WWOX: variants seen among roughly 807,000 people sequenced by gnomAD.
WWOX encodes WW domain-containing oxidoreductase.
In WWOX, 69 loss-of-function variants were observed where a neutral mutation model predicts 46.2. That is an observed-to-expected ratio of 1.49 (90% CI 1.23 to 1.82). WWOX has a LOEUF of 1.82. Ranked by LOEUF, WWOX falls within the 40% of genes most tolerant of loss-of-function variation. The pLI, the probability that WWOX is intolerant of heterozygous loss-of-function variation, is 0.00. For synonymous variants in WWOX, 359 were observed against 202.6 expected (o/e 1.77, Z -6.56); for missense variants, 919 against 542.6 (o/e 1.69, Z -6.89).
intron 8 of WWOX, among the ~76,000 whole-genome samples, chr16:78,662,805 C>G (rs551798766): frequency 6.6e-6 from 1 of 152,034 alleles, no homozygotes; most frequent in Non-Finnish European, 1.5e-5. Flanking sequence ...GGTTCCTGGG[C>G]TCTGGGACTC....
rs868387820 is a variant in WWOX at position 78,782,833 on chromosome 16, C to T, written c.1056+350081C>T. Among the ~76,000 whole-genome samples, 38 of 152,214 alleles carry T rather than the reference C, an allele frequency of 2.5e-4. 1 individual carries two copies. Among genetic ancestry groups the T allele is most frequent in the Middle Eastern group, 6.8e-3 (2 of 294 alleles). ...AGATGTACTGTTATTTTATGTTTCA[C>T]TAAGAGTGCGAAGAACATTGTTAAT... On this transcript the variant is annotated intron_variant, in intron 8 of 8. Transcript: ENST00000566780.
chr16:78,357,273 T>C (rs569512614), intron 5 of WWOX, among the ~76,000 whole-genome samples: 1 of 152,282 alleles, frequency 6.6e-6, no homozygotes, highest in African/African-American at 2.4e-5. Flanking sequence ...ACAAAGAACA[T>C]GCTAGGTTCT....
At chr16:78,733,117 C>T (rs1053393931) in intron 8 of WWOX, among the ~76,000 whole-genome samples, 1 of 152,094 alleles carries the variant, frequency 6.6e-6, no homozygotes, top group African/African-American at 2.4e-5. Context: ...GCTGTTACAT[C>T]ATTTGTTTTT....
intron 8 of WWOX, among the ~76,000 whole-genome samples, chr16:78,914,435 C>G (rs936457961): frequency 9.2e-5 from 14 of 152,038 alleles, no homozygotes; most frequent in African/African-American, 3.4e-4. Context: ...AGCTTGAACG[C>G]TGTACTTTGA....
rs373702590 is a variant in WWOX at position 78,288,490 on chromosome 16, G to C, written c.517-98370G>C. Among the ~76,000 whole-genome samples the C allele has an allele frequency of 9.9e-4, 150 of 152,218 alleles. 2 individuals are homozygous for C. In the South Asian group the frequency reaches 0.021, roughly 22 times the overall value. ...AATGGAATGTATTTGGAAAGAGCAA[G>C]CTTCTTCCCAATGCAGTGTTTTCCC... On this transcript the variant is annotated intron_variant, in intron 5 of 8. Coordinates refer to ENST00000566780, the MANE Select transcript of WWOX (RefSeq NM_016373.4).
intron 8 of WWOX, among the ~76,000 whole-genome samples, chr16:79,039,790 C>T (rs2047937001): frequency 6.6e-6 from 1 of 152,174 alleles, no homozygotes; most frequent in South Asian, 2.1e-4. Context: ...AATCTCCCTT[C>T]TCTGAACCTT....
intron 6 of WWOX, among the ~76,000 whole-genome samples, chr16:78,405,924 C>G (rs904184710): frequency 6.6e-6 from 1 of 152,108 alleles, no homozygotes; most frequent in Non-Finnish European, 1.5e-5. Flanking sequence ...CTGTCACATA[C>G]CTCTCTGACA....
intron 8 of WWOX, among the ~76,000 whole-genome samples, chr16:78,789,908 A>G (rs2050551294): frequency 6.6e-6 from 1 of 152,144 alleles, no homozygotes; most frequent in African/African-American, 2.4e-5. Flanking sequence ...TGTAAACTTA[A>G]ACTCCAATTC....
At chr16:79,189,530 G>T (rs894941339) in intron 8 of WWOX, among the ~76,000 whole-genome samples, 12 of 150,314 alleles carry the variant, frequency 8.0e-5, no homozygotes, top group African/African-American at 2.9e-4. Context: ...CAAACTCCTA[G>T]CTTCAAGCGA....
chr16:78,112,205 C>G (rs894790708), intron 3 of WWOX, among the ~76,000 whole-genome samples: 6 of 152,204 alleles, frequency 3.9e-5, no homozygotes, highest in African/African-American at 1.4e-4. Context: ...AATCTGATTG[C>G]TACATCATTT....
chr16:78,362,130 C>T (rs1041908470), intron 5 of WWOX, among the ~76,000 whole-genome samples: 5 of 151,978 alleles, frequency 3.3e-5, no homozygotes, highest in African/African-American at 1.2e-4. Flanking sequence ...GTCCGGTGGC[C>T]ATAGGCTGGT....
At chr16:78,987,868 C>G (rs115773529) in intron 8 of WWOX, among the ~76,000 whole-genome samples, 15 of 152,138 alleles carry the variant, frequency 9.9e-5, no homozygotes, top group Non-Finnish European at 2.1e-4. Context: ...GCCCTGTGGG[C>G]TTTGCTGCTT....
intron 8 of WWOX, among the ~76,000 whole-genome samples, chr16:78,954,570 A>G (rs2046126963): frequency 6.6e-6 from 1 of 152,218 alleles, no homozygotes; most frequent in African/African-American, 2.4e-5. Flanking sequence ...AGCAGCAGCG[A>G]AGGCCAAGCC....
chr16:78,800,645 G>C (rs956657350), intron 8 of WWOX, among the ~76,000 whole-genome samples: 1 of 152,172 alleles, frequency 6.6e-6, no homozygotes, highest in Non-Finnish European at 1.5e-5. Flanking sequence ...CGGCCAAAGG[G>C]GAAGCTGAGA....
intron 8 of WWOX, among the ~76,000 whole-genome samples, chr16:78,703,221 C>G (rs894782813): frequency 6.6e-6 from 1 of 151,950 alleles, no homozygotes; most frequent in Admixed American, 6.6e-5. Context: ...TCTCTTTTCT[C>G]TGTGTGTCAT....
intron 8 of WWOX, among the ~76,000 whole-genome samples, chr16:78,796,472 G>C (rs962801826): frequency 1.3e-5 from 2 of 152,258 alleles, no homozygotes; most frequent in African/African-American, 4.8e-5. Flanking sequence ...AACTGCAAGG[G>C]ATTCTGGGAA....
At chr16:79,022,738 GC>G (rs1428539452) in intron 8 of WWOX, among the ~76,000 whole-genome samples, 1 of 152,176 alleles carries the variant, frequency 6.6e-6, no homozygotes, top group Non-Finnish European at 1.5e-5. Flanking sequence ...AGAGGCAGTG[GC>G]CCCCCACCAA....
At chr16:78,222,747 T>G (rs1028702432) in intron 5 of WWOX, among the ~76,000 whole-genome samples, 1 of 152,224 alleles carries the variant, frequency 6.6e-6, no homozygotes, top group Admixed American at 6.5e-5. Context: ...GAATTTGTAA[T>G]ATTAATTGGC....
chr16:78,405,182 GA>G (rs2082498147), intron 6 of WWOX, among the ~76,000 whole-genome samples: 1 of 152,136 alleles, frequency 6.6e-6, no homozygotes, highest in Admixed American at 6.5e-5. Flanking sequence ...TGTATGTACT[GA>G]TGTTCTGGAA....
Sources: gnomAD v4.1 joint callset for allele counts (sites outside exome capture counted in the v4.1 genomes callset) on GRCh38, gnomAD v4.1.1 for gene constraint, MANE v1.5 for transcripts, NCBI Gene and HGNC (gene_info 2026-07-23, HGNC 2026-07-21) for gene names.